Variants in ZBED4 observed in about 807,000 individuals in gnomAD.
ZBED4 encodes zinc finger BED-type containing 4.
Under a neutral mutation model 15.5 loss-of-function variants are expected in ZBED4, and 4 were observed. That is an observed-to-expected ratio of 0.26 (90% CI 0.13 to 0.59). The LOEUF is 0.59. Among genes scored for constraint, ZBED4 ranks in the 20% least tolerant of loss-of-function variants. ZBED4 has a pLI of 0.90. For missense variants in ZBED4, 1,323 were observed against 1,461.8 expected (o/e 0.91, Z 1.55); for synonymous variants, 692 against 608.5 (o/e 1.14, Z -2.02).
intron 1 of ZBED4, among the ~76,000 whole-genome samples, chr22:49,869,604 C>T (rs1397348461): frequency 6.6e-6 from 1 of 152,154 alleles, no homozygotes; most frequent in South Asian, 2.1e-4. Flanking sequence ...TCCTGATTTA[C>T]ATTGTTTCTC....
At chr22:49,876,303 TG>T (rs1283295542) in intron 1 of ZBED4, among the ~76,000 whole-genome samples, 1 of 152,212 alleles carries the variant, frequency 6.6e-6, no homozygotes, top group Non-Finnish European at 1.5e-5. Flanking sequence ...TGGATAATAG[TG>T]TTGTTTGAAT....
chr22:49,872,633 G>A (rs955487413), intron 1 of ZBED4, among the ~76,000 whole-genome samples: 9 of 152,074 alleles, frequency 5.9e-5, no homozygotes, highest in South Asian at 2.1e-4. Flanking sequence ...GGTCTCAAGC[G>A]AACCTCCCGT....
At chr22:49,863,307 G>A (rs572226923) in intron 1 of ZBED4, among the ~76,000 whole-genome samples, 28 of 152,166 alleles carry the variant, frequency 1.8e-4, no homozygotes, top group African/African-American at 6.3e-4. Context: ...CCACAGGCAC[G>A]CATCACCACA....
rs2060436192 is a variant in ZBED4, at chr22:49,885,942, C to T, written c.2280C>T (p.Arg760=). The change falls in exon 2 of 2, where the codon CGC becomes CGT. Residue 760 remains arginine (R), a synonymous_variant. Coordinates refer to ENST00000216268, the MANE Select transcript of ZBED4 (RefSeq NM_014838.3). ...WVSFESPARP[R]CDDHHCSALL... ...CCTTCGAGTCGCCAGCCCGGCCGCG[C>T]TGTGACGACCACCACTGCTCGGCGC... The T allele has an allele frequency of 2.6e-6, 2 of 768,374 alleles. No individual in the cohort carries two copies. 47.6% of individuals were successfully genotyped at this position (768,374 alleles called of 1,614,324 possible). A position where few individuals can be genotyped will look rare whatever the true frequency, so the allele number is the denominator to read the frequency against.
At chr22:49,856,239 G>A (rs1938896822) in intron 1 of ZBED4, among the ~76,000 whole-genome samples, 1 of 152,242 alleles carries the variant, frequency 6.6e-6, no homozygotes, top group Non-Finnish European at 1.5e-5. Flanking sequence ...AGACAGAGGT[G>A]CTTGCCTCTC....
intron 1 of ZBED4, among the ~76,000 whole-genome samples, chr22:49,874,751 C>G (rs2060367753): frequency 7.5e-6 from 1 of 132,556 alleles, no homozygotes; most frequent in African/African-American, 2.9e-5. Context: ...TCGATCTCAG[C>G]TCACTGCACC....
At chr22:49,856,524 T>G (rs971057632) in intron 1 of ZBED4, among the ~76,000 whole-genome samples, 11 of 152,198 alleles carry the variant, frequency 7.2e-5, no homozygotes, top group African/African-American at 2.7e-4. Context: ...GGCATCCCAG[T>G]GCGTACCTCC....
chr22:49,856,092 T>C (rs1044700956), intron 1 of ZBED4, among the ~76,000 whole-genome samples: 2 of 152,288 alleles, frequency 1.3e-5, no homozygotes, highest in African/African-American at 4.8e-5. Context: ...AGCACCTAGG[T>C]TTTTCTACAT....
At chr22:49,869,231 T>C (rs553526575) in intron 1 of ZBED4, among the ~76,000 whole-genome samples, 1 of 152,298 alleles carries the variant, frequency 6.6e-6, no homozygotes, top group East Asian at 1.9e-4. Context: ...GTGGCTTTGA[T>C]TCACGTACAC....
chr22:49,875,413 A>C (rs113880366), intron 1 of ZBED4, among the ~76,000 whole-genome samples: 2 of 104,994 alleles, frequency 1.9e-5, no homozygotes, highest in African/African-American at 5.5e-5. Context: ...TGCATAATTT[A>C]TTTTCTTTTT....
chr22:49,863,826 C>T (rs1044401594), intron 1 of ZBED4, among the ~76,000 whole-genome samples: 6 of 152,128 alleles, frequency 3.9e-5, no homozygotes, highest in Non-Finnish European at 8.8e-5. Context: ...CCTCCAGAGG[C>T]GACCAGTTAG....
rs1222374777 is a variant in ZBED4 at position 49,887,678 on chromosome 22, C to T, written c.*500C>T. On this transcript the variant is annotated 3_prime_UTR_variant, in exon 2 of 2. Transcript: ENST00000216268. ...ATCCTGACTGAGCAGTTTTTAACCG[C>T]AGGTTCTAAAGTGTCCCGCGGAGTA... The T allele has an allele frequency of 5.9e-6, 1 of 169,632 alleles. No homozygotes were observed. The highest frequency in any genetic ancestry group is 1.9e-4 in the East Asian group (1 of 5,386). The allele number at this position is 169,632 out of a possible 1,614,324, so 10.5% of individuals were successfully genotyped here.
chr22:49,865,717 G>A (rs1342510775), intron 1 of ZBED4, among the ~76,000 whole-genome samples: 1 of 151,982 alleles, frequency 6.6e-6, no homozygotes, highest in Non-Finnish European at 1.5e-5. Context: ...GTTGTGTTTT[G>A]GTTGAGGTTT....
In ZBED4 at chr22:49,885,038, C is replaced by A; in HGVS notation, c.1376C>A (p.Ser459Ter). Reference sequence around the variant, plus strand: ...AAAAAGGTCATGAAAAGACTGAAGTCGGAGGTCTGGCATCACTTCTCCCTG... The same window carrying A: ...AAAAAGGTCATGAAAAGACTGAAGTAGGAGGTCTGGCATCACTTCTCCCTG... ...QNKKVMKRLK[S>*]EVWHHFSLAP... is the part of the protein sequence containing the mutation. Residue 459 changes from serine to a stop codon, truncating the protein, a stop_gained, in exon 2 of 2, where the codon TCG becomes TAG. Coordinates refer to ENST00000216268, the MANE Select transcript of ZBED4 (RefSeq NM_014838.3). LOFTEE classifies it low-confidence loss of function (END_TRUNC). The A allele has an allele frequency of 6.2e-7, 1 of 1,612,134 alleles. No homozygotes were observed. Among genetic ancestry groups the A allele is most frequent in the Non-Finnish European group, 8.5e-7 (1 of 1,179,026 alleles).
chr22:49,880,577 C>G (rs79598201), intron 1 of ZBED4, among the ~76,000 whole-genome samples: 1 of 152,232 alleles, frequency 6.6e-6, no homozygotes, highest in African/African-American at 2.4e-5. Context: ...CTGAAAACGT[C>G]GTTTCGTGCA....
intron 1 of ZBED4, among the ~76,000 whole-genome samples, chr22:49,864,839 A>AAAAAAAAAAAAAAAAG (rs1555922729): frequency 7.5e-6 from 1 of 133,112 alleles, no homozygotes; most frequent in African/African-American, 3.7e-5. Flanking sequence ...AAAAAAAAAA[A>AAAAAAAAAAAAAAAAG]GCCCTGATTA....
chr22:49,863,921 C>T (rs1403193994), intron 1 of ZBED4, among the ~76,000 whole-genome samples: 2 of 152,212 alleles, frequency 1.3e-5, no homozygotes, highest in African/African-American at 4.8e-5. Context: ...GTGAGAGCCC[C>T]TACAAGCTGG....
At chr22:49,875,908 C>T (rs1296529167) in intron 1 of ZBED4, among the ~76,000 whole-genome samples, 1 of 151,084 alleles carries the variant, frequency 6.6e-6, no homozygotes, top group East Asian at 1.9e-4. Flanking sequence ...ATTGCTCTTT[C>T]CCAAGAACCA....
intron 1 of ZBED4, among the ~76,000 whole-genome samples, chr22:49,882,331 G>A (rs2060413682): frequency 6.6e-6 from 1 of 152,176 alleles, no homozygotes; most frequent in Admixed American, 6.5e-5. Flanking sequence ...TCGGGAGGAG[G>A]GCTCACACCT....
Sources: allele counts gnomAD v4.1 joint callset (sites outside exome capture counted in the v4.1 genomes callset), GRCh38; gene constraint gnomAD v4.1.1; transcripts MANE v1.5; gene names NCBI Gene and HGNC (gene_info 2026-07-23, HGNC 2026-07-21).